Variants in CNBD1 observed in about 807,000 individuals in gnomAD.
CNBD1 encodes the protein cyclic nucleotide-binding domain-containing protein 1.
A neutral mutation model predicts 54.4 loss-of-function variants in CNBD1; 71 were observed. The ratio of observed to expected loss-of-function variants is 1.30; its 90% CI spans 1.08 to 1.59. The LOEUF (loss-of-function observed/expected upper bound fraction) is 1.59. CNBD1 is among the 40% of genes most tolerant of loss of function. The probability of loss-of-function intolerance (pLI) is 0.00; values close to 1 mark genes in which losing one functional copy is unlikely to be tolerated. For synonymous variants in CNBD1, 182 were observed against 170.7 expected (o/e 1.07, Z -0.51); for missense variants, 659 against 518.0 (o/e 1.27, Z -2.64).
At chr8:86,983,572 G>T (rs1808537541) in intron 4 of CNBD1, among the ~76,000 whole-genome samples, 1 of 152,172 alleles carries the variant, frequency 6.6e-6, no homozygotes, top group Non-Finnish European at 1.5e-5. Flanking sequence ...TGCTGATAGT[G>T]ATATGGACAA....
intron 5 of CNBD1, among the ~76,000 whole-genome samples, chr8:87,219,286 T>C (rs1206627585): frequency 6.6e-6 from 1 of 152,082 alleles, no homozygotes; most frequent in South Asian, 2.1e-4. Flanking sequence ...ATAAGTATTA[T>C]AAAAGGTAAG....
intron 8 of CNBD1, among the ~76,000 whole-genome samples, chr8:87,302,603 C>G (rs990489421): frequency 6.6e-6 from 1 of 151,860 alleles, no homozygotes; most frequent in Non-Finnish European, 1.5e-5. Flanking sequence ...TCTCACCACT[C>G]CTATTCAACA....
At chr8:87,370,541 G>A (rs184021492) in intron 10 of CNBD1, among the ~76,000 whole-genome samples, 2,798 of 152,046 alleles carry the variant, frequency 0.018, 92 homozygotes, top group African/African-American at 0.061. Context: ...AGAAGTGTCT[G>A]TTCATGTCCT....
At chr8:87,298,095 AATT>A (rs1400558473) in intron 8 of CNBD1, among the ~76,000 whole-genome samples, 1 of 152,004 alleles carries the variant, frequency 6.6e-6, no homozygotes. Context: ...CAGACATAAT[AATT>A]ATTTGAGAAA....
At chr8:87,332,247 C>A (rs1484683339) in intron 8 of CNBD1, among the ~76,000 whole-genome samples, 1 of 151,578 alleles carries the variant, frequency 6.6e-6, no homozygotes, top group Non-Finnish European at 1.5e-5. Flanking sequence ...ATTCTGGAGG[C>A]TGAGTCAGGA....
intron 4 of CNBD1, among the ~76,000 whole-genome samples, chr8:86,947,444 G>C (rs930743290): frequency 2.6e-5 from 4 of 152,082 alleles, no homozygotes; most frequent in African/African-American, 9.7e-5. Context: ...AGGTCCATCA[G>C]TGTATGGTTA....
At chr8:87,373,775 T>C (rs1323114317) in intron 10 of CNBD1, among the ~76,000 whole-genome samples, 3 of 151,800 alleles carry the variant, frequency 2.0e-5, no homozygotes, top group African/African-American at 7.2e-5. Flanking sequence ...AAAAAGTGTA[T>C]TTTTAGGATA....
chr8:87,408,596 C>G lies in CNBD1; in HGVS notation c.214-19950C>G, dbSNP rs539282492. On this transcript the variant is annotated intron_variant, in intron 2 of 7. Coordinates refer to the CNBD1 transcript ENST00000521593. ...AGTGTAGGCATACTTGTACTCATTC[C>G]TCAGTTTATCGTGCTTCATTATATC... Among the ~76,000 whole-genome samples, 8 of 152,068 alleles carry G rather than the reference C, an allele frequency of 5.3e-5. No homozygotes were observed. In the South Asian group the frequency reaches 1.5e-3, roughly 28 times the overall value.
At chr8:86,958,658 T>G (rs1807845034) in intron 4 of CNBD1, among the ~76,000 whole-genome samples, 1 of 152,158 alleles carries the variant, frequency 6.6e-6, no homozygotes, top group Non-Finnish European at 1.5e-5. Flanking sequence ...AACCCCTGCT[T>G]TTTTTTGTTT....
chr8:86,871,243 G>C (rs939950373), intron 1 of CNBD1, among the ~76,000 whole-genome samples: 1 of 152,132 alleles, frequency 6.6e-6, no homozygotes, highest in African/African-American at 2.4e-5. Context: ...TAGATGTCAG[G>C]CTAGGTCTCC....
chr8:87,401,071 G>T (rs562088706), intron 2 of CNBD1, among the ~76,000 whole-genome samples: 5 of 151,968 alleles, frequency 3.3e-5, no homozygotes, highest in African/African-American at 9.7e-5. Context: ...ACTAGAGAGT[G>T]ATTAGTGTAC....
intron 6 of CNBD1, among the ~76,000 whole-genome samples, chr8:87,262,796 G>C (rs189090011): frequency 3.9e-5 from 6 of 152,252 alleles, no homozygotes; most frequent in Admixed American, 3.3e-4. Flanking sequence ...TCTGTTAAGT[G>C]ATTGTATTCT....
chr8:86,914,215 G>T (rs1465236262), intron 3 of CNBD1, among the ~76,000 whole-genome samples: 1 of 152,152 alleles, frequency 6.6e-6, no homozygotes, highest in African/African-American at 2.4e-5. Flanking sequence ...AGGATTAAGA[G>T]ATTAAAATAA....
chr8:86,877,939 T>A (rs1808548434), intron 1 of CNBD1, among the ~76,000 whole-genome samples: 1 of 152,116 alleles, frequency 6.6e-6, no homozygotes, highest in South Asian at 2.1e-4. Context: ...ATCTTTGTCA[T>A]TTTTGCAGTT....
At chr8:87,162,029 G>C (rs1812868356) in intron 4 of CNBD1, among the ~76,000 whole-genome samples, 1 of 152,004 alleles carries the variant, frequency 6.6e-6, no homozygotes, top group African/African-American at 2.4e-5. Flanking sequence ...GTCTTGGTGT[G>C]GGAGAATTAC....
intron 10 of CNBD1, among the ~76,000 whole-genome samples, chr8:87,365,794 T>G (rs1476463178): frequency 1.3e-5 from 2 of 152,030 alleles, no homozygotes; most frequent in Non-Finnish European, 2.9e-5. Context: ...TCAGAAGCAA[T>G]TATTAGATTT....
rs71277907 is a variant in CNBD1, at chr8:86,978,534, CTTTTTTTTTTTT to C, written c.431+38794_431+38805del. Among the ~76,000 whole-genome samples the C allele has an allele frequency of 4.5e-5, 3 of 66,720 alleles. No individual in the cohort carries two copies. The South Asian group carries it at 2.2e-3, about 50-fold the overall frequency. 43.8% of individuals were successfully genotyped at this position (66,720 alleles called of 152,430 possible). A position where few individuals can be genotyped will look rare whatever the true frequency, so the allele number is the denominator to read the frequency against. On this transcript the variant is annotated intron_variant, in intron 4 of 10. Transcript: ENST00000518476. Reference sequence around the variant, plus strand: ...ACATTTGTAAAGGACATGCTTTTATCTTTTTTTTTTTTTTTTTTTTTTTTTGAGGCGAAGTTT... The same window carrying C: ...ACATTTGTAAAGGACATGCTTTTATCTTTTTTTTTTTTTGAGGCGAAGTTT...
chr8:86,914,540 A>C (rs1001471015), intron 3 of CNBD1, among the ~76,000 whole-genome samples: 4 of 152,192 alleles, frequency 2.6e-5, no homozygotes, highest in Non-Finnish European at 5.9e-5. Context: ...ATTTCTCAGA[A>C]AGTATCCCTA....
intron 2 of CNBD1, among the ~76,000 whole-genome samples, chr8:87,406,225 T>C (rs1807649333): frequency 6.6e-6 from 1 of 152,066 alleles, no homozygotes; most frequent in Admixed American, 6.6e-5. Flanking sequence ...ATAGGGAAAC[T>C]TTTTTAAAGT....
Sources: allele counts gnomAD v4.1 joint callset (sites outside exome capture counted in the v4.1 genomes callset), GRCh38; gene constraint gnomAD v4.1.1; transcripts MANE v1.5; gene names NCBI Gene and HGNC (gene_info 2026-07-23, HGNC 2026-07-21).